The following MAP4K3 variants were observed in gnomAD, a reference collection of about 807,000 sequenced individuals.
MAP4K3 encodes mitogen-activated protein kinase kinase kinase kinase 3, also known as MAPK/ERK kinase kinase kinase 3.
Under a neutral mutation model 143.5 loss-of-function variants are expected in MAP4K3, and 94 were observed. The observed-to-expected ratio is 0.65, with a 90% CI of 0.55 to 0.78. MAP4K3 has a LOEUF of 0.78. Ranked by LOEUF, MAP4K3 falls within the 30% of genes least tolerant of loss-of-function variation. The pLI is 0.00. For synonymous variants in MAP4K3, 416 were observed against 347.2 expected (o/e 1.20, Z -2.20); for missense variants, 1,077 against 1,068.1 (o/e 1.01, Z -0.12).
At chr2:39,380,531 C>T (rs185838442) in intron 1 of MAP4K3, among the ~76,000 whole-genome samples, 1 of 151,798 alleles carries the variant, frequency 6.6e-6, no homozygotes, top group Non-Finnish European at 1.5e-5. Context: ...AATATTAGCA[C>T]GTATAAAGTT....
intron 2 of MAP4K3, among the ~76,000 whole-genome samples, chr2:39,356,884 A>G (rs150838485): frequency 7.9e-5 from 12 of 152,254 alleles, no homozygotes; most frequent in Non-Finnish European, 1.5e-4. Context: ...CAAAGAAGTA[A>G]TTCTTTTCTA....
At chr2:39,404,121 TGCTGGC>T (rs556576207) in intron 1 of MAP4K3, among the ~76,000 whole-genome samples, 181 of 152,156 alleles carry the variant, frequency 1.2e-3, no homozygotes, top group Non-Finnish European at 2.0e-3. Flanking sequence ...CTCTGACATG[TGCTGGC>T]TTCAAGTGAA....
intron 23 of MAP4K3, among the ~76,000 whole-genome samples, chr2:39,278,852 T>C (rs1212052976): frequency 6.6e-6 from 1 of 152,210 alleles, no homozygotes; most frequent in Non-Finnish European, 1.5e-5. Flanking sequence ...GAGTGGCTGA[T>C]ACAGATTCTA....
intron 21 of MAP4K3, among the ~76,000 whole-genome samples, chr2:39,283,245 G>A (rs1389370407): frequency 6.6e-6 from 1 of 152,064 alleles, no homozygotes; most frequent in East Asian, 1.9e-4. Context: ...TTTTCAGAGT[G>A]TACATATCAC....
intron 24 of MAP4K3, among the ~76,000 whole-genome samples, chr2:39,273,537 A>G (rs201123796): frequency 4.4e-5 from 1 of 22,900 alleles, no homozygotes; most frequent in East Asian, 3.5e-3. Context: ...GAGAGGACCC[A>G]GGGGTGAATG....
At chr2:39,316,999 C>T (rs1163350094) in intron 12 of MAP4K3, among the ~76,000 whole-genome samples, 1 of 152,080 alleles carries the variant, frequency 6.6e-6, no homozygotes, top group Admixed American at 6.6e-5. Flanking sequence ...ATCACATTAC[C>T]TGATTTCAAA....
rs762395025 is a variant in MAP4K3, at chr2:39,356,390, C to A, written c.155-51G>T. 9.4e-6 allele frequency: 9 copies of A among 955,702 alleles called. No individual in the cohort carries two copies. In the South Asian group the frequency reaches 1.1e-4, roughly 12 times the overall value. 59.2% of individuals were successfully genotyped at this position (955,702 alleles called of 1,614,324 possible). A position where few individuals can be genotyped will look rare whatever the true frequency, so the allele number is the denominator to read the frequency against. ...ATATTTAGAGGTAAGTTTCAAAATG[C>A]TCATTTATTTCAAAACACAATAAAA... On this transcript the variant is annotated intron_variant, in intron 2 of 33. Transcript: ENST00000263881.
chr2:39,380,576 G>A (rs541176650), intron 1 of MAP4K3, among the ~76,000 whole-genome samples: 2 of 152,124 alleles, frequency 1.3e-5, no homozygotes, highest in African/African-American at 4.8e-5. Flanking sequence ...AACATAAAAT[G>A]TTCATACTTG....
chr2:39,271,738 C>A (rs1024549788), intron 26 of MAP4K3, among the ~76,000 whole-genome samples: 3 of 152,090 alleles, frequency 2.0e-5, no homozygotes, highest in Non-Finnish European at 4.4e-5. Context: ...ACCACAGGCT[C>A]GAGCCACCAT....
At chr2:39,266,816 G>C (rs2148447642) in intron 27 of MAP4K3, among the ~76,000 whole-genome samples, 1 of 151,878 alleles carries the variant, frequency 6.6e-6, no homozygotes, top group Admixed American at 6.5e-5. Context: ...ACATGCTGAA[G>C]GAATAAATGC....
chr2:39,287,933 T>C (rs1165512275), intron 20 of MAP4K3, among the ~76,000 whole-genome samples, 188 bp downstream of exon 20: 4 of 152,178 alleles, frequency 2.6e-5, no homozygotes, highest in Admixed American at 2.6e-4. Flanking sequence ...TCTCAGACTG[T>C]GTCATAGGGA....
chr2:39,298,956 C>T (rs1231006258), intron 16 of MAP4K3, among the ~76,000 whole-genome samples: 1 of 141,428 alleles, frequency 7.1e-6, no homozygotes, highest in Non-Finnish European at 1.5e-5. Flanking sequence ...CAGAGTGACA[C>T]TCTGCCTCAA....
chr2:39,323,153 G>C (rs546876449), intron 12 of MAP4K3, among the ~76,000 whole-genome samples: 1 of 152,182 alleles, frequency 6.6e-6, no homozygotes, highest in East Asian at 1.9e-4. Context: ...GAGAGGGAAT[G>C]TAACAGCTTC....
intron 32 of MAP4K3, among the ~76,000 whole-genome samples, chr2:39,252,314 G>A (rs1466198554): frequency 6.6e-6 from 1 of 152,226 alleles, no homozygotes; most frequent in Non-Finnish European, 1.5e-5. Context: ...CATGCCTTGA[G>A]TTTGACTGTC....
At chr2:39,305,741 G>A (rs766932421) in intron 15 of MAP4K3, among the ~76,000 whole-genome samples, 31 of 152,170 alleles carry the variant, frequency 2.0e-4, no homozygotes, top group Non-Finnish European at 4.3e-4. Flanking sequence ...ATGAAGGTGG[G>A]AGCAGTTACA....
chr2:39,386,270 T>G (rs1026530255), intron 1 of MAP4K3, among the ~76,000 whole-genome samples: 1 of 152,210 alleles, frequency 6.6e-6, no homozygotes, highest in Admixed American at 6.5e-5. Context: ...AAACCAACCC[T>G]GCTGGCACCT....
At chr2:39,272,262 C>A (rs1044926395) in intron 26 of MAP4K3, 21 bp downstream of exon 26, 3 of 1,489,958 alleles carry the variant, frequency 2.0e-6, no homozygotes, top group Non-Finnish European at 9.4e-7. Context: ...TATCATATTG[C>A]CTCTAAGGAT....
chr2:39,272,596 A>G, intron 24 of MAP4K3, 54 bp from the exon 25 acceptor site: 1 of 1,400,342 alleles, frequency 7.1e-7, no homozygotes, highest in Non-Finnish European at 1.0e-6. Context: ...TGGCAATGTA[A>G]ATCTGTACAC....
intron 16 of MAP4K3, among the ~76,000 whole-genome samples, chr2:39,296,210 C>A (rs906241373): frequency 6.6e-6 from 1 of 152,082 alleles, no homozygotes; most frequent in Non-Finnish European, 1.5e-5. Context: ...AGAATTAATA[C>A]GGTCTTAATG....
Sources: gnomAD v4.1 joint callset for allele counts (sites outside exome capture counted in the v4.1 genomes callset) on GRCh38, gnomAD v4.1.1 for gene constraint, MANE v1.5 for transcripts, NCBI Gene and HGNC (gene_info 2026-07-23, HGNC 2026-07-21) for gene names.